PSD3: variants seen among roughly 807,000 people sequenced by gnomAD.
PSD3 encodes the protein PH and SEC7 domain-containing protein 3.
A neutral mutation model predicts 105.5 loss-of-function variants in PSD3; 49 were observed. The ratio of observed to expected loss-of-function variants is 0.46; its 90% confidence interval spans 0.37 to 0.59. The LOEUF is 0.59. PSD3 is among the 20% of genes least tolerant of loss of function. PSD3 has a pLI of 0.00. For missense variants in PSD3, 1,561 were observed against 1,263.8 expected, an observed-to-expected ratio of 1.24 and a Z score of -3.57; for synonymous variants, 557 against 457.8, an observed-to-expected ratio of 1.22 and a Z score of -2.77.
intron 15 of PSD3, among the ~76,000 whole-genome samples, chr8:18,544,419 GT>G (rs1760542689): frequency 6.6e-6 from 1 of 151,390 alleles, no homozygotes; most frequent in South Asian, 2.1e-4. Flanking sequence ...AAAAGAAAAT[GT>G]TCAGGTTTTT....
chr8:18,755,309 A>C (rs564353036), intron 9 of PSD3, among the ~76,000 whole-genome samples: 1 of 152,214 alleles, frequency 6.6e-6, no homozygotes, highest in South Asian at 2.1e-4. Flanking sequence ...ACGCGCCTGT[A>C]ATCTCAGCTA....
At chr8:19,061,030 G>A (rs904241405) in intron 1 of PSD3, among the ~76,000 whole-genome samples, 1 of 152,158 alleles carries the variant, frequency 6.6e-6, no homozygotes, top group Non-Finnish European at 1.5e-5. Context: ...ATTAGCCAGG[G>A]TTTCCTTCAC....
At chr8:18,919,635 C>T (rs1238762023) in intron 2 of PSD3, among the ~76,000 whole-genome samples, 1 of 151,988 alleles carries the variant, frequency 6.6e-6, no homozygotes, top group Non-Finnish European at 1.5e-5. Context: ...CAGCCCAAGA[C>T]CACTGCTTTC....
At chr8:19,073,666 C>T (rs1044986019) in intron 1 of PSD3, among the ~76,000 whole-genome samples, 3 of 150,284 alleles carry the variant, frequency 2.0e-5, no homozygotes, top group African/African-American at 7.4e-5. Flanking sequence ...CTGTTGTGAA[C>T]TGACATATTA....
chr8:18,932,873 T>C (rs902272957), intron 2 of PSD3, among the ~76,000 whole-genome samples: 2 of 152,232 alleles, frequency 1.3e-5, no homozygotes, highest in Admixed American at 6.5e-5. Context: ...AAAACTCTAA[T>C]ATTCAGAATT....
intron 4 of PSD3, among the ~76,000 whole-genome samples, chr8:18,863,476 T>C (rs903844428): frequency 4.6e-5 from 7 of 152,164 alleles, no homozygotes; most frequent in Non-Finnish European, 1.0e-4. Flanking sequence ...TTCATTGATA[T>C]ATTGTGTTCC....
chr8:18,743,312 T>C (rs1804727494), intron 9 of PSD3, among the ~76,000 whole-genome samples: 1 of 152,166 alleles, frequency 6.6e-6, no homozygotes, highest in South Asian at 2.1e-4. Flanking sequence ...AGCGGGGAGA[T>C]AGCGAATGCA....
chr8:18,833,529 T>G (rs1444765421), intron 4 of PSD3, among the ~76,000 whole-genome samples: 1 of 152,230 alleles, frequency 6.6e-6, no homozygotes, highest in Non-Finnish European at 1.5e-5. Context: ...GAAAGACTGA[T>G]AAATGAGTGA....
At chr8:18,997,771 C>T (rs1378896555) in intron 1 of PSD3, among the ~76,000 whole-genome samples, 1 of 130,284 alleles carries the variant, frequency 7.7e-6, no homozygotes, top group Non-Finnish European at 1.7e-5. Context: ...CTTCCCGGTG[C>T]ACTTACCTTC....
chr8:18,946,380 A>T (rs1162182775), intron 1 of PSD3, among the ~76,000 whole-genome samples: 1 of 152,064 alleles, frequency 6.6e-6, no homozygotes, highest in East Asian at 1.9e-4. Context: ...GTTGGAGACT[A>T]GCCTGTGCAA....
chr8:18,711,789 A>G (rs1400264791), intron 9 of PSD3, among the ~76,000 whole-genome samples: 1 of 152,208 alleles, frequency 6.6e-6, no homozygotes, highest in Non-Finnish European at 1.5e-5. Flanking sequence ...CCTGACAGGT[A>G]TCTACAGAAC....
At chr8:18,975,193 C>T (rs1824863790) in intron 1 of PSD3, among the ~76,000 whole-genome samples, 1 of 152,084 alleles carries the variant, frequency 6.6e-6, no homozygotes, top group Non-Finnish European at 1.5e-5. Context: ...TGCCTAGTCC[C>T]CCCGTTTTCT....
rs1805693406 is a variant in PSD3 at position 18,616,623 on chromosome 8, C to CTTTTCTTT, written c.2410+15982_2410+15989dup. On this transcript the variant is annotated intron_variant, in intron 11 of 15. Transcript: ENST00000327040. ...GCCAGGCCTCATCTTCCTCTCTTTTCTTTTCTTTTTTTTTTTTTGAGACGG... is the reference window on the plus strand; with the variant it reads ...GCCAGGCCTCATCTTCCTCTCTTTTCTTTTCTTTTTTTCTTTTTTTTTTTTTGAGACGG... 4.1e-5 allele frequency among the ~76,000 whole-genome samples: 4 copies of CTTTTCTTT among 98,508 alleles called. 1 individual carries two copies. The highest frequency in any genetic ancestry group is 6.3e-5 in the Non-Finnish European group (3 of 47,358). 64.6% of individuals were successfully genotyped at this position (98,508 alleles called of 152,430 possible).
At chr8:18,564,446 T>C (rs1348496779) in intron 14 of PSD3, among the ~76,000 whole-genome samples, 1 of 151,962 alleles carries the variant, frequency 6.6e-6, no homozygotes, top group African/African-American at 2.4e-5. Flanking sequence ...CTGGCCAACA[T>C]GGTGAAACCC....
intron 9 of PSD3, among the ~76,000 whole-genome samples, chr8:18,743,090 G>A (rs975588589): frequency 1.3e-5 from 2 of 152,170 alleles, no homozygotes; most frequent in African/African-American, 2.4e-5. Context: ...TCTCTTAAAA[G>A]TTGCTATGCA....
rs548789719 is a variant in PSD3, at chr8:18,736,467, A to G, written c.2172+28982T>C. 1.2e-4 allele frequency among the ~76,000 whole-genome samples: 19 copies of G among 152,344 alleles called. No individual in the cohort carries two copies. The South Asian group carries it at 2.9e-3, about 23-fold the overall frequency. ...TTAGTATACATATTTATAGACGAGT[A>G]TGTGTTAGTAAACACCATTTACTAA... is the stretch of plus-strand genomic sequence containing the variant. On this transcript the variant is annotated intron_variant, in intron 9 of 15. Transcript: ENST00000327040.
rs1248808883 is a variant in PSD3, at chr8:18,534,405, G to A, written c.*1338C>T. The A allele has an allele frequency of 6.6e-6, 1 of 152,472 alleles. No homozygotes were observed. Among genetic ancestry groups the A allele is most frequent in the Non-Finnish European group, 1.5e-5 (1 of 68,008 alleles). The allele number at this position is 152,472 out of a possible 1,614,324, so 9.4% of individuals were successfully genotyped here. ...AGAAGAATATTCTGTTTATCACCCT[G>A]AACTTCAAAGGGACTGTAACTGGAA... On this transcript the variant is annotated 3_prime_UTR_variant, in exon 16 of 16. Coordinates refer to ENST00000327040, the MANE Select transcript of PSD3 (RefSeq NM_015310.4).
At chr8:18,948,461 G>A (rs1823000562) in intron 1 of PSD3, among the ~76,000 whole-genome samples, 2 of 152,096 alleles carry the variant, frequency 1.3e-5, no homozygotes, top group African/African-American at 4.8e-5. Flanking sequence ...CAACCAGACT[G>A]AATAAATAAC....
chr8:19,002,200 G>A (rs576429076), intron 1 of PSD3, among the ~76,000 whole-genome samples: 1 of 152,002 alleles, frequency 6.6e-6, no homozygotes, highest in Non-Finnish European at 1.5e-5. Flanking sequence ...AGGTCATAAA[G>A]TTTATATCTC....
Sources: gnomAD v4.1 joint callset for allele counts (sites outside exome capture counted in the v4.1 genomes callset) on GRCh38, gnomAD v4.1.1 for gene constraint, MANE v1.5 for transcripts, NCBI Gene and HGNC (gene_info 2026-07-23, HGNC 2026-07-21) for gene names.